The following OAF variants were observed in gnomAD, a reference collection of about 807,000 sequenced individuals.
OAF encodes the protein out at first homolog, also known as out at first protein homolog.
A neutral mutation model predicts 22.5 loss-of-function variants in OAF; 13 were observed. The observed-to-expected ratio is 0.58, with a 90% CI of 0.38 to 0.92. The LOEUF (loss-of-function observed/expected upper bound fraction) is 0.92. Among genes scored for constraint, OAF ranks in the 40% least tolerant of loss-of-function variants. The pLI is 0.00. For missense variants in OAF, 347 were observed against 381.8 expected, an observed-to-expected ratio of 0.91 and a Z score of 0.76; for synonymous variants, 175 against 170.5, an observed-to-expected ratio of 1.03 and a Z score of -0.21.
intron 3 of OAF, 47 bp from the exon 4 acceptor site, chr11:120,228,821 T>TACCAACCCAAA: frequency 5.8e-6 from 3 of 520,278 alleles, no homozygotes; most frequent in Non-Finnish European, 7.2e-6. Context: ...GGGAGCTCCT[T>TACCAACCCAAA]CCCTCCCTCC....
intron 1 of OAF, among the ~76,000 whole-genome samples, chr11:120,212,461 G>T (rs1298531532): frequency 6.6e-6 from 1 of 152,074 alleles, no homozygotes; most frequent in Admixed American, 6.5e-5. Flanking sequence ...GGAAAAGAGG[G>T]TGGGTAAGTC....
At chr11:120,226,481 A>C (rs1938358529) in intron 2 of OAF, among the ~76,000 whole-genome samples, 1 of 152,198 alleles carries the variant, frequency 6.6e-6, no homozygotes, top group Non-Finnish European at 1.5e-5. Context: ...AAAGTACGTG[A>C]TTCCAGAGGT....
intron 1 of OAF, among the ~76,000 whole-genome samples, chr11:120,212,311 G>C (rs1019829646): frequency 6.6e-6 from 1 of 151,918 alleles, no homozygotes; most frequent in African/African-American, 2.4e-5. Context: ...TTGGGAGTTA[G>C]AGACCAGCCC....
Position 120,226,860 on chromosome 11 carries a change from G to A in OAF, c.411G>A (p.Leu137=). ...GGCAGGCGGAGGAGGTTCGGGGTCT[G>A]GAGCATCTGCACATGGATGTCGCTG... ...AVRQAEEVRG[L]EHLHMDVAVN... The change falls in exon 3 of 4, where the codon CTG becomes CTA. Residue 137 remains leucine, a synonymous_variant. Transcript: ENST00000328965. 1 of 1,610,056 alleles carries A rather than the reference G, an allele frequency of 6.2e-7. No individual in the cohort carries two copies. Among genetic ancestry groups the A allele is most frequent in the South Asian group, 1.1e-5 (1 of 90,650 alleles).
intron 3 of OAF, among the ~76,000 whole-genome samples, chr11:120,228,177 C>T (rs957431565): frequency 3.5e-4 from 53 of 152,190 alleles, no homozygotes; most frequent in African/African-American, 1.2e-3. Flanking sequence ...CTCCGCCACC[C>T]GGGTTCCAGC....
chr11:120,218,358 C>G (rs1591358649), intron 1 of OAF, among the ~76,000 whole-genome samples: 1 of 152,300 alleles, frequency 6.6e-6, no homozygotes, highest in East Asian at 1.9e-4. Flanking sequence ...CCACCCCGTT[C>G]CTGCTCGAGA....
At chr11:120,214,650 C>T (rs1938187625) in intron 1 of OAF, among the ~76,000 whole-genome samples, 1 of 152,190 alleles carries the variant, frequency 6.6e-6, no homozygotes, top group South Asian at 2.1e-4. Context: ...TATCCAGCCC[C>T]CTCTCTCCAG....
At chr11:120,211,848 C>T (rs924357390) in intron 1 of OAF, among the ~76,000 whole-genome samples, 4 of 152,216 alleles carry the variant, frequency 2.6e-5, no homozygotes, top group African/African-American at 9.6e-5. Context: ...GCGAAGTGTT[C>T]TCGCTGTGGG....
chr11:120,228,825 T>TACCAGA, intron 3 of OAF, 43 bp from the exon 4 acceptor site: 3 of 434,174 alleles, frequency 6.9e-6, no homozygotes, highest in Non-Finnish European at 9.3e-6. Flanking sequence ...GCTCCTTCCC[T>TACCAGA]CCCTCCCTCC....
chr11:120,212,119 G>A (rs2135087680), intron 1 of OAF, among the ~76,000 whole-genome samples: 1 of 152,296 alleles, frequency 6.6e-6, no homozygotes, highest in East Asian at 1.9e-4. Context: ...GAGGATCCTG[G>A]AGAGAGACCC....
intron 1 of OAF, among the ~76,000 whole-genome samples, 163 bp from the exon 2 acceptor site, chr11:120,225,498 G>A (rs116108132): frequency 2.0e-5 from 3 of 152,148 alleles, no homozygotes; most frequent in Non-Finnish European, 4.4e-5. Context: ...TTCAAGTCAC[G>A]GGTTTAAACG....
intron 1 of OAF, among the ~76,000 whole-genome samples, chr11:120,215,195 T>TA (rs966456221): frequency 1.1e-4 from 17 of 151,384 alleles, no homozygotes; most frequent in South Asian, 1.0e-3. Context: ...AAATAAAAAA[T>TA]AAAAAAAAAT....
rs775531621 is a variant in OAF, at chr11:120,226,889, A to C, written c.440A>C (p.Asn147Thr). The stretch of plus-strand genomic sequence containing the variant: ...CATCTGCACATGGATGTCGCTGTCA[A>C]CTTCAGCCAGGGGGCCCTGCTGAGC... ...LEHLHMDVAV[N>T]FSQGALLSPH... Residue 147 changes from asparagine to threonine, a missense_variant, in exon 3 of 4, where the codon AAC becomes ACC. By Grantham distance (65) the Asn-to-Thr change is moderately conservative. Coordinates refer to ENST00000328965, the MANE Select transcript of OAF (RefSeq NM_178507.4). 6.2e-7 allele frequency: 1 copy of C among 1,612,810 alleles called. No individual in the cohort carries two copies. Among genetic ancestry groups the C allele is most frequent in the Non-Finnish European group, 8.5e-7 (1 of 1,179,090 alleles).
chr11:120,214,555 C>A (rs1938186638), intron 1 of OAF, among the ~76,000 whole-genome samples: 1 of 152,182 alleles, frequency 6.6e-6, no homozygotes, highest in Non-Finnish European at 1.5e-5. Flanking sequence ...CAGGAGCAGC[C>A]ATCCTTGTCC....
chr11:120,225,897 C>T (rs1938351910), intron 2 of OAF, 102 bp downstream of exon 2: 13 of 1,007,046 alleles, frequency 1.3e-5, no homozygotes, highest in South Asian at 4.5e-5. Context: ...CCTGCAGACC[C>T]GACCCCTGCA....
chr11:120,222,546 A>G (rs1938293383), intron 1 of OAF, among the ~76,000 whole-genome samples: 1 of 148,612 alleles, frequency 6.7e-6, no homozygotes, highest in Non-Finnish European at 1.5e-5. Context: ...ACGGAATAAG[A>G]CTCGGTCTCC....
At chr11:120,219,990 C>T (rs142371983) in intron 1 of OAF, among the ~76,000 whole-genome samples, 1 of 152,208 alleles carries the variant, frequency 6.6e-6, no homozygotes, top group Non-Finnish European at 1.5e-5. Flanking sequence ...AAGCATTGAG[C>T]CCCAGCTGTG....
At chr11:120,228,693 G>A (rs1938393422) in intron 3 of OAF, among the ~76,000 whole-genome samples, 175 bp from the exon 4 acceptor site, 1 of 152,180 alleles carries the variant, frequency 6.6e-6, no homozygotes, top group African/African-American at 2.4e-5. Context: ...GCAAGGAGGA[G>A]CCTAGTAACC....
At chr11:120,215,875 G>A (rs570123846) in intron 1 of OAF, among the ~76,000 whole-genome samples, 6 of 152,286 alleles carry the variant, frequency 3.9e-5, no homozygotes, top group African/African-American at 1.2e-4. Context: ...TATGAAGAAG[G>A]TCATGTGTGA....
Sources: gnomAD v4.1 joint callset for allele counts (sites outside exome capture counted in the v4.1 genomes callset) on GRCh38, gnomAD v4.1.1 for gene constraint, MANE v1.5 for transcripts, NCBI Gene and HGNC (gene_info 2026-07-23, HGNC 2026-07-21) for gene names.